Variants in CDC123 observed in about 807,000 individuals in gnomAD.
CDC123 encodes the protein translation initiation factor eIF2 assembly protein.
Under a neutral mutation model 54.4 loss-of-function variants are expected in CDC123, and 37 were observed. The observed-to-expected ratio is 0.68, with a 90% CI of 0.52 to 0.89. The LOEUF is 0.89. CDC123 is among the 40% of genes least tolerant of loss of function. The pLI is 0.00. For missense variants in CDC123, 361 were observed against 412.1 expected (o/e 0.88, Z 1.07); for synonymous variants, 144 against 136.8 (o/e 1.05, Z -0.37).
intron 2 of CDC123, among the ~76,000 whole-genome samples, chr10:12,204,186 T>C (rs1490886016): frequency 6.6e-6 from 1 of 152,114 alleles, no homozygotes; most frequent in Non-Finnish European, 1.5e-5. Context: ...AGAAAGTGTT[T>C]ACAGTAAGGT....
chr10:12,233,695 C>T (rs548614478), intron 7 of CDC123, among the ~76,000 whole-genome samples: 26 of 151,806 alleles, frequency 1.7e-4, no homozygotes, highest in Non-Finnish European at 3.1e-4. Context: ...TTAATAATTA[C>T]GTATTTTTTT....
intron 8 of CDC123, among the ~76,000 whole-genome samples, chr10:12,236,315 T>G (rs1835975904): frequency 1.3e-5 from 2 of 152,296 alleles, no homozygotes; most frequent in Non-Finnish European, 2.9e-5. Context: ...ACTGTTTCCA[T>G]GGGCAAGGTG....
At chr10:12,226,062 G>T (rs1331940210) in intron 6 of CDC123, among the ~76,000 whole-genome samples, 1 of 152,088 alleles carries the variant, frequency 6.6e-6, no homozygotes, top group Non-Finnish European at 1.5e-5. Context: ...ATGTTTCAGA[G>T]AGCACGGGGT....
At chr10:12,199,068 G>A (rs1835404370) in intron 2 of CDC123, among the ~76,000 whole-genome samples, 1 of 152,180 alleles carries the variant, frequency 6.6e-6, no homozygotes, top group African/African-American at 2.4e-5. Flanking sequence ...GGTGGGGGAA[G>A]TACATATTAA....
chr10:12,238,167 A>G (rs1376409320), intron 9 of CDC123, among the ~76,000 whole-genome samples: 1 of 152,214 alleles, frequency 6.6e-6, no homozygotes, highest in Admixed American at 6.5e-5. Flanking sequence ...CATCTTTCCC[A>G]TAGAACCAGT....
At chr10:12,211,250 C>CAG (rs57281385) in intron 4 of CDC123, among the ~76,000 whole-genome samples, 144,692 of 152,268 alleles carry the variant, frequency 0.95, 69,195 homozygotes, top group East Asian at 1. Context: ...CTTGAGTTGA[C>CAG]GGGAAAGTTT....
intron 10 of CDC123, among the ~76,000 whole-genome samples, chr10:12,241,027 T>TC (rs1422848676): frequency 1.3e-5 from 2 of 152,104 alleles, no homozygotes; most frequent in African/African-American, 2.4e-5. Flanking sequence ...CCTGACCAGA[T>TC]CCCCCCAGGA....
At chr10:12,218,837 G>T (rs1348688509) in intron 6 of CDC123, among the ~76,000 whole-genome samples, 2 of 152,196 alleles carry the variant, frequency 1.3e-5, no homozygotes, top group Non-Finnish European at 2.9e-5. Flanking sequence ...GTTGTAGGTG[G>T]ACGGAATACC....
chr10:12,221,205 T>TTAAAAA (rs1460617717), intron 6 of CDC123, among the ~76,000 whole-genome samples: 15 of 152,018 alleles, frequency 9.9e-5, no homozygotes, highest in Non-Finnish European at 1.6e-4. Context: ...CACATGGGAT[T>TTAAAAA]TAAAAAATAC....
At chr10:12,203,769 G>A (rs1434359685) in intron 2 of CDC123, among the ~76,000 whole-genome samples, 1 of 151,028 alleles carries the variant, frequency 6.6e-6, no homozygotes, top group Non-Finnish European at 1.5e-5. Context: ...ATAAATAAAT[G>A]TCTTGAGTTG....
chr10:12,223,219 A>G (rs1173948622), intron 6 of CDC123, among the ~76,000 whole-genome samples: 5 of 152,062 alleles, frequency 3.3e-5, no homozygotes. Flanking sequence ...AGTGTGCAAA[A>G]TATTTGGAAC....
At chr10:12,226,895 G>C in intron 6 of CDC123, among the ~76,000 whole-genome samples, 1 of 152,186 alleles carries the variant, frequency 6.6e-6, no homozygotes, top group African/African-American at 2.4e-5. Flanking sequence ...TTTGGGAGGC[G>C]AAGGCAGGCG....
chr10:12,240,484 CTG>C (rs1169438284), intron 10 of CDC123, among the ~76,000 whole-genome samples: 4 of 152,208 alleles, frequency 2.6e-5, no homozygotes, highest in Admixed American at 2.6e-4. Flanking sequence ...CCCAGAATAA[CTG>C]TTAACTGTTC....
intron 1 of CDC123, 63 bp from the exon 2 acceptor site, chr10:12,198,642 A>G (rs1835396666): frequency 1.2e-5 from 10 of 869,256 alleles, no homozygotes; most frequent in Non-Finnish European, 1.9e-5. Context: ...AAGTGTAGAG[A>G]TTTTTCTCTC....
At chr10:12,250,008 G>A in intron 12 of CDC123, 3 of 486,588 alleles carry the variant, frequency 6.2e-6, no homozygotes, top group Non-Finnish European at 1.1e-5. Flanking sequence ...AGGCTGTAAG[G>A]AGAGCAGGTC....
chr10:12,203,921 C>T (rs1429759834), intron 2 of CDC123, among the ~76,000 whole-genome samples: 1 of 151,746 alleles, frequency 6.6e-6, no homozygotes, highest in Non-Finnish European at 1.5e-5. Context: ...AGTGGGGCCC[C>T]ATCTCTACAA....
At chr10:12,204,623 A>G (rs534190470) in intron 2 of CDC123, among the ~76,000 whole-genome samples, 1 of 152,224 alleles carries the variant, frequency 6.6e-6, no homozygotes, top group South Asian at 2.1e-4. Flanking sequence ...ATTAAGTTGC[A>G]AACAATCCAA....
intron 2 of CDC123, among the ~76,000 whole-genome samples, chr10:12,208,359 G>A (rs1221504014): frequency 6.6e-6 from 1 of 152,188 alleles, no homozygotes; most frequent in Non-Finnish European, 1.5e-5. Context: ...ATGGGCTGCT[G>A]GGTGGCCCTT....
intron 6 of CDC123, among the ~76,000 whole-genome samples, chr10:12,221,871 C>T (rs1337835003): frequency 2.6e-5 from 4 of 151,970 alleles, no homozygotes; most frequent in Non-Finnish European, 5.9e-5. Context: ...AATTCTTCCT[C>T]TAATGTTTCC....
Sources: allele counts gnomAD v4.1 joint callset (sites outside exome capture counted in the v4.1 genomes callset), GRCh38; gene constraint gnomAD v4.1.1; transcripts MANE v1.5; gene names NCBI Gene and HGNC (gene_info 2026-07-23, HGNC 2026-07-21).